Variants in ELAVL4 observed in about 807,000 individuals in gnomAD.
The protein encoded by ELAVL4 is ELAV like RNA binding protein 4.
In ELAVL4, 1 loss-of-function variant was observed where a neutral mutation model predicts 35.6. The ratio of observed to expected loss-of-function variants is 0.03; its 90% confidence interval spans 0.01 to 0.13. The LOEUF (loss-of-function observed/expected upper bound fraction) is 0.13, where lower values mean the gene tolerates loss of function less well. ELAVL4 is among the 10% of genes least tolerant of loss of function. ELAVL4 has a pLI of 1.00. For missense variants in ELAVL4, 267 were observed against 464.9 expected, an observed-to-expected ratio of 0.57 and a Z score of 3.91; for synonymous variants, 156 against 171.0, an observed-to-expected ratio of 0.91 and a Z score of 0.69.
intron 1 of ELAVL4, among the ~76,000 whole-genome samples, chr1:50,086,533 G>A (rs908055253): frequency 2.0e-5 from 3 of 151,032 alleles, no homozygotes; most frequent in Admixed American, 1.3e-4. Context: ...AATAGTATGC[G>A]GAGGAACCCT....
At chr1:50,158,947 G>A (rs1676240661) in intron 2 of ELAVL4, among the ~76,000 whole-genome samples, 1 of 150,760 alleles carries the variant, frequency 6.6e-6, no homozygotes, top group Non-Finnish European at 1.5e-5. Flanking sequence ...CTGAGGCAGA[G>A]AATTGCTTGA....
intron 2 of ELAVL4, among the ~76,000 whole-genome samples, chr1:50,156,149 A>G (rs1675704480): frequency 6.6e-6 from 1 of 152,250 alleles, no homozygotes; most frequent in Non-Finnish European, 1.5e-5. Flanking sequence ...AACCCAGTGC[A>G]TCAGACTAAC....
chr1:50,106,003 T>G (rs767546138), upstream of ELAVL4: 10 of 307,676 alleles, frequency 3.3e-5, no homozygotes, highest in Non-Finnish European at 5.9e-5. Flanking sequence ...CCCCTCTTCT[T>G]TTTTTTCCCT....
intron 3 of ELAVL4, among the ~76,000 whole-genome samples, chr1:50,182,386 T>C (rs1420455174): frequency 6.6e-6 from 1 of 152,216 alleles, no homozygotes; most frequent in African/African-American, 2.4e-5. Flanking sequence ...TGTTTGCGTT[T>C]TGACCTAAAT....
Position 50,119,960 on chromosome 1 carries a change from G to T in ELAVL4, c.9+10762G>T, listed in dbSNP as rs796233706. Reference sequence around the variant, plus strand: ...TAATATCAGAAGTCTTCGCTCCAGAGTGTTTGGGAATATGTCCAGCTCAGC... The same window carrying T: ...TAATATCAGAAGTCTTCGCTCCAGATTGTTTGGGAATATGTCCAGCTCAGC... On this transcript the variant is annotated intron_variant, in intron 1 of 6. Transcript: ENST00000371824. 1.4e-4 allele frequency among the ~76,000 whole-genome samples: 22 copies of T among 151,744 alleles called. 1 individual carries two copies. Among genetic ancestry groups the T allele is most frequent in the African/African-American group, 5.1e-4 (21 of 41,408 alleles).
At chr1:50,065,405 T>G (rs902889001) in intron 1 of ELAVL4, among the ~76,000 whole-genome samples, 6 of 152,188 alleles carry the variant, frequency 3.9e-5, no homozygotes, top group African/African-American at 1.4e-4. Flanking sequence ...CTGCCAGATT[T>G]GAATTTCGGT....
chr1:50,110,101 GTA>G (rs909143429), intron 1 of ELAVL4: 15 of 1,127,278 alleles, frequency 1.3e-5, no homozygotes, highest in Non-Finnish European at 1.9e-5. Context: ...GTGTGTGTAT[GTA>G]TGTGTGTGTT....
chr1:50,139,544 C>G (rs1336237007), intron 1 of ELAVL4, among the ~76,000 whole-genome samples: 1 of 152,166 alleles, frequency 6.6e-6, no homozygotes, highest in Non-Finnish European at 1.5e-5. Context: ...CAGCACAGAT[C>G]TCGGCTCCAT....
chr1:50,140,476 T>A (rs763169109), intron 1 of ELAVL4, among the ~76,000 whole-genome samples: 59 of 152,350 alleles, frequency 3.9e-4, no homozygotes, highest in Non-Finnish European at 7.5e-4. Context: ...AATGCTGTAG[T>A]TTCATATTCG....
chr1:50,163,286 A>G (rs1484169148), intron 2 of ELAVL4, among the ~76,000 whole-genome samples: 1 of 152,158 alleles, frequency 6.6e-6, no homozygotes, highest in Non-Finnish European at 1.5e-5. Flanking sequence ...ACTATCACTG[A>G]TAATTCATGA....
intron 2 of ELAVL4, among the ~76,000 whole-genome samples, chr1:50,157,187 A>ATAAC (rs1295084810): frequency 6.6e-6 from 1 of 152,172 alleles, no homozygotes; most frequent in Non-Finnish European, 1.5e-5. Context: ...GATAAAGTGG[A>ATAAC]AGGATCCACT....
At chr1:50,050,253 A>G (rs1663285249) in intron 1 of ELAVL4, among the ~76,000 whole-genome samples, 1 of 152,234 alleles carries the variant, frequency 6.6e-6, no homozygotes, top group Admixed American at 6.5e-5. Flanking sequence ...TATCAACCAA[A>G]CATAAACAGT....
chr1:50,140,627 A>G (rs1672663488), intron 1 of ELAVL4, among the ~76,000 whole-genome samples: 1 of 152,038 alleles, frequency 6.6e-6, no homozygotes, highest in African/African-American at 2.4e-5. Context: ...GTTGCATCCT[A>G]AGATGCATCA....
chr1:50,048,409 CG>C (rs750118119), intron 1 of ELAVL4, among the ~76,000 whole-genome samples: 17 of 152,138 alleles, frequency 1.1e-4, no homozygotes, highest in Non-Finnish European at 1.5e-4. Context: ...GCTCTGGCCC[CG>C]CAGGTCAGGG....
intron 1 of ELAVL4, chr1:50,144,389 C>A: frequency 1.2e-5 from 3 of 255,138 alleles, no homozygotes; most frequent in Non-Finnish European, 2.3e-5. Context: ...CATTAGATGA[C>A]TTTGCAGCTC....
chr1:50,078,524 G>A (rs986674128), intron 1 of ELAVL4, among the ~76,000 whole-genome samples: 1 of 152,226 alleles, frequency 6.6e-6, no homozygotes, highest in Non-Finnish European at 1.5e-5. Flanking sequence ...CACTTACAAG[G>A]TAGTCAGTAC....
At chr1:50,143,558 TG>T (rs1673178502) in intron 1 of ELAVL4, among the ~76,000 whole-genome samples, 1 of 152,178 alleles carries the variant, frequency 6.6e-6, no homozygotes, top group South Asian at 2.1e-4. Context: ...ACGGTGGCAT[TG>T]TTCCCATTTT....
intron 1 of ELAVL4, among the ~76,000 whole-genome samples, chr1:50,089,847 A>G (rs1665411972): frequency 6.6e-6 from 1 of 152,156 alleles, no homozygotes; most frequent in Non-Finnish European, 1.5e-5. Context: ...TCTCAGTGAT[A>G]CCATCAGGGG....
chr1:50,057,667 G>A (rs562751098), intron 1 of ELAVL4, among the ~76,000 whole-genome samples: 25 of 152,312 alleles, frequency 1.6e-4, no homozygotes, highest in African/African-American at 5.1e-4. Flanking sequence ...AGTTTGTAGC[G>A]TGTGAACAGT....
Sources: allele counts gnomAD v4.1 joint callset (sites outside exome capture counted in the v4.1 genomes callset), GRCh38; gene constraint gnomAD v4.1.1; transcripts MANE v1.5; gene names NCBI Gene and HGNC (gene_info 2026-07-23, HGNC 2026-07-21).